The following BANK1 variants were observed in gnomAD, a reference collection of about 807,000 sequenced individuals.
BANK1 encodes the protein B-cell scaffold protein with ankyrin repeats.
In BANK1, 95 loss-of-function variants were observed where a neutral mutation model predicts 94.5. That is an observed-to-expected ratio of 1.00 (90% CI 0.85 to 1.19). The LOEUF is 1.19. Among genes scored for constraint, BANK1 ranks in the 50% most tolerant of loss-of-function variants. The pLI is 0.00. For synonymous variants in BANK1, 334 were observed against 308.4 expected (o/e 1.08, Z -0.87); for missense variants, 987 against 932.2 (o/e 1.06, Z -0.77).
chr4:102,042,552 G>A (rs1376063928), intron 10 of BANK1, among the ~76,000 whole-genome samples: 1 of 151,954 alleles, frequency 6.6e-6, no homozygotes, highest in Non-Finnish European at 1.5e-5. Context: ...CAGATGGGGG[G>A]AAATTTTCAT....
chr4:101,931,186 G>A (rs534649811), intron 7 of BANK1, among the ~76,000 whole-genome samples: 120 of 151,574 alleles, frequency 7.9e-4, no homozygotes, highest in Middle Eastern at 3.4e-3. Context: ...CTACTTTCCT[G>A]GGCCACAGGA....
intron 7 of BANK1, among the ~76,000 whole-genome samples, chr4:102,020,096 A>G (rs1726841847): frequency 6.6e-6 from 1 of 152,138 alleles, no homozygotes. Context: ...TGAGCTCATA[A>G]TGCCCAAGCT....
At chr4:102,021,365 A>G (rs1019781243) in intron 7 of BANK1, 149 bp from the exon 8 acceptor site, 2 of 350,606 alleles carry the variant, frequency 5.7e-6, no homozygotes, top group African/African-American at 4.3e-5. Flanking sequence ...ACTATGTGCC[A>G]TTGAGCATTT....
At chr4:101,793,068 GT>G (rs933826553) in intron 1 of BANK1, among the ~76,000 whole-genome samples, 1 of 151,838 alleles carries the variant, frequency 6.6e-6, no homozygotes, top group South Asian at 2.1e-4. Context: ...CCACACCATA[GT>G]TTTTTTTAAA....
At chr4:101,966,967 C>G (rs1179678330) in intron 7 of BANK1, among the ~76,000 whole-genome samples, 1 of 152,062 alleles carries the variant, frequency 6.6e-6, no homozygotes, top group African/African-American at 2.4e-5. Flanking sequence ...AAAGTTGTCA[C>G]AAGGAAAACA....
intron 7 of BANK1, among the ~76,000 whole-genome samples, chr4:102,012,669 G>C (rs1357915215): frequency 6.6e-6 from 1 of 152,116 alleles, no homozygotes; most frequent in African/African-American, 2.4e-5. Context: ...TTGGATTTCA[G>C]AAGTTGCTTG....
At chr4:101,799,360 T>C (rs1409382989) in intron 1 of BANK1, among the ~76,000 whole-genome samples, 2 of 152,226 alleles carry the variant, frequency 1.3e-5, no homozygotes, top group African/African-American at 4.8e-5. Context: ...TTTTGGTTAC[T>C]GTAGCCTTGT....
chr4:101,889,685 C>A (rs938405896), intron 5 of BANK1, among the ~76,000 whole-genome samples: 3 of 147,198 alleles, frequency 2.0e-5, no homozygotes, highest in Admixed American at 6.8e-5. Context: ...ATTTTGAGTT[C>A]AGCTGTTATA....
At chr4:102,020,492 G>A (rs909662586) in intron 7 of BANK1, among the ~76,000 whole-genome samples, 1 of 151,838 alleles carries the variant, frequency 6.6e-6, no homozygotes, top group Non-Finnish European at 1.5e-5. Flanking sequence ...GGGAAATTAG[G>A]GACTGTTTTG....
At chr4:101,804,630 T>C (rs1157184513) in intron 1 of BANK1, among the ~76,000 whole-genome samples, 1 of 152,206 alleles carries the variant, frequency 6.6e-6, no homozygotes, top group Non-Finnish European at 1.5e-5. Flanking sequence ...CAATTCATCC[T>C]GTAAACAGAT....
At chr4:101,843,284 A>C (rs1442367064) in intron 2 of BANK1, among the ~76,000 whole-genome samples, 1 of 152,082 alleles carries the variant, frequency 6.6e-6, no homozygotes, top group African/African-American at 2.4e-5. Context: ...TTTTTTGATA[A>C]ATATTCCACT....
chr4:101,904,667 C>G (rs1011434433), intron 6 of BANK1, among the ~76,000 whole-genome samples: 1 of 152,142 alleles, frequency 6.6e-6, no homozygotes, highest in African/African-American at 2.4e-5. Flanking sequence ...TGTAATTGTT[C>G]TGGAATTAGA....
At position 101,796,335 on chromosome 4, in the gene BANK1, GA is replaced by G. The variant is rs34105963; in HGVS notation, c.70+5394del. Among the ~76,000 whole-genome samples, 1,029 of 151,228 alleles carry G rather than the reference GA, an allele frequency of 6.8e-3. 10 individuals carry two copies. The highest frequency in any genetic ancestry group is 0.023 in the African/African-American group (964 of 41,286). On this transcript the variant is annotated intron_variant, in intron 1 of 16. Transcript: ENST00000322953. ...TTGAGTGAATTTCTCTTTTTGGGAG[GA>G]AAAAAAAAGTTTGGGCTAGCATACC...
intron 7 of BANK1, among the ~76,000 whole-genome samples, chr4:101,977,844 T>G (rs760191008): frequency 6.6e-6 from 1 of 152,192 alleles, no homozygotes; most frequent in Non-Finnish European, 1.5e-5. Context: ...TGATTCTATT[T>G]AGTGTGCATG....
In BANK1 at chr4:102,057,221, G is replaced by A. The variant is rs371108770; in HGVS notation, c.1970-2990G>A. Among the ~76,000 whole-genome samples the A allele has an allele frequency of 4.4e-4, 63 of 144,450 alleles. No homozygotes were observed. In the East Asian group the frequency reaches 0.01, roughly 23 times the overall value. The allele number at this position is 144,450 out of a possible 152,430, so 94.8% of individuals were successfully genotyped here. A position where few individuals can be genotyped will look rare whatever the true frequency, so the allele number is the denominator to read the frequency against. Reference sequence around the variant, plus strand: ...CTTTAAATCTTTGTCACTAGTTCTCGCTCTCTCTCTCTCTCTCTTGCTCTC... The same window carrying A: ...CTTTAAATCTTTGTCACTAGTTCTCACTCTCTCTCTCTCTCTCTTGCTCTC... On this transcript the variant is annotated intron_variant, in intron 11 of 16. Transcript: ENST00000322953.
At chr4:101,927,689 A>G (rs1723210707) in intron 7 of BANK1, among the ~76,000 whole-genome samples, 1 of 151,658 alleles carries the variant, frequency 6.6e-6, no homozygotes, top group East Asian at 2.0e-4. Flanking sequence ...GTAGTTACTG[A>G]TATTTCCAAG....
chr4:102,021,131 G>A (rs1726882562), intron 7 of BANK1, among the ~76,000 whole-genome samples: 1 of 144,836 alleles, frequency 6.9e-6, no homozygotes, highest in South Asian at 2.2e-4. Context: ...TTGTAATTAA[G>A]AATATCTTTT....
At chr4:101,907,336 C>T (rs948180297) in intron 6 of BANK1, among the ~76,000 whole-genome samples, 1 of 152,164 alleles carries the variant, frequency 6.6e-6, no homozygotes, top group African/African-American at 2.4e-5. Flanking sequence ...CAGAAAAGGC[C>T]TTTGACAAAA....
chr4:102,007,538 A>G (rs1209507965), intron 7 of BANK1, among the ~76,000 whole-genome samples: 2 of 152,092 alleles, frequency 1.3e-5, no homozygotes, highest in Non-Finnish European at 2.9e-5. Flanking sequence ...GAAGCCACAA[A>G]TTAAAATGAG....
Sources: allele counts gnomAD v4.1 joint callset (sites outside exome capture counted in the v4.1 genomes callset), GRCh38; gene constraint gnomAD v4.1.1; transcripts MANE v1.5; gene names NCBI Gene and HGNC (gene_info 2026-07-23, HGNC 2026-07-21).